Variants in TXNDC16 observed in about 807,000 individuals in gnomAD.
The protein encoded by TXNDC16 is thioredoxin domain-containing protein 16.
A neutral mutation model predicts 85.6 loss-of-function variants in TXNDC16; 74 were observed. The observed-to-expected ratio is 0.86, with a 90% CI of 0.72 to 1.05. TXNDC16 has a LOEUF of 1.05. Among genes scored for constraint, TXNDC16 ranks in the 50% least tolerant of loss-of-function variants. The probability of loss-of-function intolerance (pLI) is 0.00; values close to 1 mark genes in which losing one functional copy is unlikely to be tolerated. For missense variants in TXNDC16, 959 were observed against 947.0 expected, an observed-to-expected ratio of 1.01 and a Z score of -0.17; for synonymous variants, 335 against 326.5, an observed-to-expected ratio of 1.03 and a Z score of -0.28.
At chr14:52,450,195 T>A (rs1438250011) in intron 18 of TXNDC16, among the ~76,000 whole-genome samples, 1 of 151,954 alleles carries the variant, frequency 6.6e-6, no homozygotes, top group South Asian at 2.1e-4. Context: ...TTAGTCAGAC[T>A]AGCTAGGAAA....
chr14:52,494,156 T>C (rs1433207184), intron 9 of TXNDC16, among the ~76,000 whole-genome samples: 1 of 151,942 alleles, frequency 6.6e-6, no homozygotes, highest in Non-Finnish European at 1.5e-5. Flanking sequence ...TATATATATA[T>C]ATAAAGTACT....
At chr14:52,488,867 AC>A (rs1218654917) in intron 11 of TXNDC16, among the ~76,000 whole-genome samples, 2 of 146,328 alleles carry the variant, frequency 1.4e-5, no homozygotes, top group Non-Finnish European at 3.0e-5. Flanking sequence ...TACTTGTTTG[AC>A]ACTAAAATAA....
intron 11 of TXNDC16, among the ~76,000 whole-genome samples, chr14:52,489,643 G>T (rs1469399906): frequency 6.6e-6 from 1 of 152,002 alleles, no homozygotes; most frequent in East Asian, 1.9e-4. Context: ...ACACAGAAAA[G>T]AACAAAAATT....
intron 9 of TXNDC16, among the ~76,000 whole-genome samples, chr14:52,494,390 C>T (rs2036484687): frequency 6.6e-6 from 1 of 152,152 alleles, no homozygotes; most frequent in Non-Finnish European, 1.5e-5. Context: ...GGCCATGTGG[C>T]AAGGGCTTGA....
At chr14:52,519,343 T>C in intron 6 of TXNDC16, 50 bp from the exon 7 acceptor site, 11 of 1,409,048 alleles carry the variant, frequency 7.8e-6, no homozygotes, top group Middle Eastern at 2.5e-4. Flanking sequence ...ATGTATTTAG[T>C]TACACCACAC....
intron 9 of TXNDC16, among the ~76,000 whole-genome samples, chr14:52,503,356 G>A (rs1315338835): frequency 6.6e-6 from 1 of 152,180 alleles, no homozygotes; most frequent in Non-Finnish European, 1.5e-5. Context: ...ACATGGCCAG[G>A]TACTCCTCTG....
chr14:52,516,807 G>C lies in TXNDC16; in HGVS notation c.515-1837C>G, dbSNP rs568039266. Among the ~76,000 whole-genome samples, 11 of 151,888 alleles carry C rather than the reference G, an allele frequency of 7.2e-5. No homozygotes were observed. In the South Asian group the frequency reaches 1.2e-3, roughly 17 times the overall value. ...TCATTCCACTCACCACCCTACCTTGGAGTCACCCAAAACACCCCAGCCAGG... is the reference window on the plus strand; with the variant it reads ...TCATTCCACTCACCACCCTACCTTGCAGTCACCCAAAACACCCCAGCCAGG... On this transcript the variant is annotated intron_variant, in intron 7 of 20. Transcript: ENST00000281741.
intron 9 of TXNDC16, among the ~76,000 whole-genome samples, chr14:52,510,032 G>A (rs1431227358): frequency 2.0e-5 from 3 of 151,692 alleles, no homozygotes; most frequent in Non-Finnish European, 2.9e-5. Context: ...ATAAAATTGT[G>A]GTGGCAAGCT....
At chr14:52,488,555 GC>G in intron 11 of TXNDC16, 69 bp from the exon 12 acceptor site, 1 of 1,341,058 alleles carries the variant, frequency 7.5e-7, no homozygotes, top group Non-Finnish European at 1.0e-6. Context: ...TTTTACTTGG[GC>G]CAGGTGTGGT....
chr14:52,442,385 A>G (rs1317734081), intron 18 of TXNDC16, among the ~76,000 whole-genome samples: 1 of 152,184 alleles, frequency 6.6e-6, no homozygotes, highest in African/African-American at 2.4e-5. Flanking sequence ...GAGTGATGGT[A>G]GAATCCAGGC....
intron 14 of TXNDC16, among the ~76,000 whole-genome samples, chr14:52,481,093 G>A (rs1361568888): frequency 1.3e-5 from 2 of 151,248 alleles, no homozygotes; most frequent in Non-Finnish European, 3.0e-5. Flanking sequence ...ACTCAGGAAT[G>A]AAAAACCAAC....
intron 6 of TXNDC16, among the ~76,000 whole-genome samples, chr14:52,529,742 T>TTA (rs539578003): frequency 9.3e-5 from 11 of 117,740 alleles, no homozygotes; most frequent in Admixed American, 4.9e-4. Context: ...ATAATGCCTA[T>TTA]TATATATTAT....
intron 6 of TXNDC16, among the ~76,000 whole-genome samples, chr14:52,530,748 T>C (rs1248740208): frequency 6.8e-6 from 1 of 146,032 alleles, no homozygotes; most frequent in East Asian, 2.0e-4. Flanking sequence ...TCTGTATACG[T>C]CAGTATGTCT....
At chr14:52,478,344 G>A (rs547078192) in intron 14 of TXNDC16, among the ~76,000 whole-genome samples, 2 of 152,080 alleles carry the variant, frequency 1.3e-5, no homozygotes, top group East Asian at 3.9e-4. Flanking sequence ...AGAACTAAAT[G>A]AAATTGAAAC....
intron 6 of TXNDC16, among the ~76,000 whole-genome samples, chr14:52,533,168 C>T (rs931633289): frequency 6.6e-6 from 1 of 152,160 alleles, no homozygotes; most frequent in Non-Finnish European, 1.5e-5. Flanking sequence ...AGATGCCTGA[C>T]TGAGGCATGA....
chr14:52,467,122 T>C (rs943768455), intron 16 of TXNDC16, among the ~76,000 whole-genome samples: 2 of 151,086 alleles, frequency 1.3e-5, no homozygotes, highest in Non-Finnish European at 3.0e-5. Context: ...CAGACATATA[T>C]CACACACACA....
chr14:52,503,915 C>G (rs997466453), intron 9 of TXNDC16, among the ~76,000 whole-genome samples: 8 of 152,162 alleles, frequency 5.3e-5, no homozygotes, highest in African/African-American at 1.9e-4. Context: ...GGCACGAGAA[C>G]TACGGGACAA....
chr14:52,441,766 G>C (rs1160013649), intron 18 of TXNDC16, among the ~76,000 whole-genome samples: 3 of 152,116 alleles, frequency 2.0e-5, no homozygotes, highest in Non-Finnish European at 4.4e-5. Context: ...AGAGGACAAA[G>C]AGGAAGCTTT....
rs1566553661 is a variant in TXNDC16, at chr14:52,485,686, A to ATT, written c.1108+2676_1108+2677insAA. Among the ~76,000 whole-genome samples the ATT allele has an allele frequency of 2.0e-4, 30 of 152,342 alleles. No homozygotes were observed. The South Asian group carries it at 5.8e-3, about 29-fold the overall frequency. On this transcript the variant is annotated intron_variant, in intron 12 of 20. Coordinates refer to ENST00000281741, the MANE Select transcript of TXNDC16 (RefSeq NM_020784.3). The stretch of plus-strand genomic sequence containing the variant: ...CTACCATTGTGTTATAGGTACCTAC[A>ATT]GTATTCAGTACAGTAACATGCTGTA...
Sources: allele counts gnomAD v4.1 joint callset (sites outside exome capture counted in the v4.1 genomes callset), GRCh38; gene constraint gnomAD v4.1.1; transcripts MANE v1.5; gene names NCBI Gene and HGNC (gene_info 2026-07-23, HGNC 2026-07-21).